Variants in SMAGP observed in about 807,000 individuals in gnomAD.
SMAGP encodes the protein small cell adhesion glycoprotein, also known as small cell transmembrane and glycosylated protein.
SMAGP carries 7 observed loss-of-function variants against 10.1 expected under a neutral mutation model. That is an observed-to-expected ratio of 0.70 (90% CI 0.40 to 1.31). The LOEUF (loss-of-function observed/expected upper bound fraction) is 1.31. Among genes scored for constraint, SMAGP ranks in the 50% most tolerant of loss-of-function variants. SMAGP has a pLI of 0.01. For synonymous variants in SMAGP, 49 were observed against 47.2 expected (o/e 1.04, Z -0.16); for missense variants, 113 against 116.5 (o/e 0.97, Z 0.14).
At chr12:51,253,575 C>G (rs1944860032) in intron 2 of SMAGP, 1 of 151,930 alleles carries the variant, frequency 6.6e-6, no homozygotes, top group South Asian at 2.1e-4. Flanking sequence ...TATACATACC[C>G]TTAAAGAGGA....
rs79921840 is a variant in SMAGP, at chr12:51,254,691, G to T, written c.35-7860C>A. On this transcript the variant is annotated intron_variant, in intron 2 of 3. Transcript: ENST00000603798. ...TGTGGTTTTAGAGAAGGTTGTCAGG[G>T]GAAGCTTTACTGATGAGGTGACTTG... Among the ~76,000 whole-genome samples the T allele has an allele frequency of 0.014, 2,087 of 152,328 alleles. 84 individuals are homozygous for T. In the East Asian group the frequency reaches 0.15, roughly 11 times the overall value.
At chr12:51,246,604 C>CTGTGTG (rs59561227) in intron 3 of SMAGP, 147 bp downstream of exon 3, 29,092 of 337,216 alleles carry the variant, frequency 0.086, 1,048 homozygotes, top group Admixed American at 0.16. Flanking sequence ...TCTTTTATGG[C>CTGTGTG]TGTGTGTGTG....
chr12:51,254,372 C>A (rs1944868792), intron 2 of SMAGP, among the ~76,000 whole-genome samples: 1 of 152,002 alleles, frequency 6.6e-6, no homozygotes, highest in Non-Finnish European at 1.5e-5. Flanking sequence ...CATGGCAAAA[C>A]CCCGTCTCTA....
chr12:51,260,342 C>G (rs1281513664), intron 2 of SMAGP, among the ~76,000 whole-genome samples: 2 of 151,694 alleles, frequency 1.3e-5, no homozygotes, highest in Non-Finnish European at 2.9e-5. Flanking sequence ...CAGGTGTGCA[C>G]CAGCACAGCC....
intron 2 of SMAGP, among the ~76,000 whole-genome samples, chr12:51,261,932 TAAA>T (rs142814908): frequency 2.6e-3 from 381 of 146,024 alleles, no homozygotes; most frequent in Middle Eastern, 3.5e-3. Flanking sequence ...CATCTTTGTT[TAAA>T]AAAAAAAAAA....
At chr12:51,259,628 T>TA (rs1289695533) in intron 2 of SMAGP, among the ~76,000 whole-genome samples, 3 of 151,998 alleles carry the variant, frequency 2.0e-5, no homozygotes, top group African/African-American at 7.2e-5. Context: ...GGGGGGTCCC[T>TA]AAAAAAACCA....
chr12:51,269,631 C>G (rs1381382700), intron 1 of SMAGP: 1 of 222,772 alleles, frequency 4.5e-6, no homozygotes, highest in Non-Finnish European at 9.1e-6. Flanking sequence ...CGCAAATCAG[C>G]AGCGAACCCA....
chr12:51,252,885 A>T (rs1944852856), intron 2 of SMAGP, among the ~76,000 whole-genome samples: 1 of 152,086 alleles, frequency 6.6e-6, no homozygotes, highest in African/African-American at 2.4e-5. Context: ...GGGGGAAGTG[A>T]GCTCAAGAGA....
intron 2 of SMAGP, among the ~76,000 whole-genome samples, chr12:51,254,099 T>G (rs1944866152): frequency 6.6e-6 from 1 of 152,198 alleles, no homozygotes; most frequent in Non-Finnish European, 1.5e-5. Flanking sequence ...CATAGTGGTG[T>G]TGGTGAAGGT....
chr12:51,263,300 T>C (rs1434421028), intron 2 of SMAGP, among the ~76,000 whole-genome samples: 1 of 151,806 alleles, frequency 6.6e-6, no homozygotes, highest in Non-Finnish European at 1.5e-5. Context: ...GGAAAATTGC[T>C]TGAACCCGGG....
At chr12:51,247,875 G>C (rs1004254713) in intron 2 of SMAGP, among the ~76,000 whole-genome samples, 11 of 152,230 alleles carry the variant, frequency 7.2e-5, no homozygotes, top group African/African-American at 2.2e-4. Context: ...AGGAGCTGCT[G>C]TAAGTGCACT....
At chr12:51,258,637 T>C (rs1944906003) in intron 2 of SMAGP, among the ~76,000 whole-genome samples, 1 of 151,342 alleles carries the variant, frequency 6.6e-6, no homozygotes, top group Admixed American at 6.6e-5. Context: ...ATAATATCCT[T>C]GTGGACAAGG....
At chr12:51,267,913 A>T (rs1944990237) in intron 2 of SMAGP, among the ~76,000 whole-genome samples, 1 of 152,258 alleles carries the variant, frequency 6.6e-6, no homozygotes, top group African/African-American at 2.4e-5. Flanking sequence ...CCACATCAGT[A>T]AAAGCAGAGA....
intron 2 of SMAGP, among the ~76,000 whole-genome samples, chr12:51,257,595 A>C (rs963297671): frequency 2.6e-5 from 4 of 151,304 alleles, no homozygotes; most frequent in African/African-American, 9.7e-5. Context: ...CCCAGGCTGG[A>C]GTGCAGTGGT....
chr12:51,267,376 G>A (rs547340667), intron 2 of SMAGP, among the ~76,000 whole-genome samples: 3 of 151,842 alleles, frequency 2.0e-5, no homozygotes, highest in African/African-American at 2.4e-5. Flanking sequence ...TACCTGCTGC[G>A]CCCCTTTGCC....
chr12:51,267,469 C>G (rs1436777230), intron 2 of SMAGP, among the ~76,000 whole-genome samples: 4 of 143,806 alleles, frequency 2.8e-5, no homozygotes, highest in Non-Finnish European at 4.5e-5. Context: ...GACCTATTCC[C>G]CCCCCCCACT....
chr12:51,251,505 C>A (rs1325427859), intron 2 of SMAGP: 1 of 150,180 alleles, frequency 6.7e-6, no homozygotes, highest in Non-Finnish European at 1.5e-5. Flanking sequence ...GTGAGAGGAT[C>A]ACTGGAGCCC....
chr12:51,258,614 GAA>G (rs1944905860), intron 2 of SMAGP, among the ~76,000 whole-genome samples: 2 of 150,942 alleles, frequency 1.3e-5, no homozygotes, highest in Admixed American at 1.3e-4. Context: ...AGAAAGAAAA[GAA>G]AAGATTATTT....
In SMAGP at chr12:51,269,199, G is replaced by A. The variant is rs555722597; in HGVS notation, c.34+46C>T. ...CCAGGACTGGTCTGGGGAAGGGGAT[G>A]TTGAACAATTCTTTCTCACTGGGAT... On this transcript the variant is annotated intron_variant, in intron 2 of 3. Transcript: ENST00000603798. The A allele has an allele frequency of 8.7e-6, 14 of 1,609,538 alleles. No individual in the cohort carries two copies. The African/African-American group carries it at 1.7e-4, about 20-fold the overall frequency.
Sources: allele counts gnomAD v4.1 joint callset (sites outside exome capture counted in the v4.1 genomes callset), GRCh38; gene constraint gnomAD v4.1.1; transcripts MANE v1.5; gene names NCBI Gene and HGNC (gene_info 2026-07-23, HGNC 2026-07-21).